C10orf67: variants seen among roughly 807,000 people sequenced by gnomAD.
C10orf67 encodes the protein uncharacterized protein C10orf67, mitochondrial.
A neutral mutation model predicts 35.6 loss-of-function variants in C10orf67; 60 were observed. The observed-to-expected ratio is 1.68, with a 90% CI of 1.37 to 2.09. The LOEUF is 2.09. C10orf67 is among the 30% of genes most tolerant of loss of function. The pLI, the probability that C10orf67 is intolerant of heterozygous loss-of-function variation, is 0.00. For synonymous variants in C10orf67, 167 were observed against 115.8 expected, an observed-to-expected ratio of 1.44 and a Z score of -2.84; for missense variants, 474 against 330.2, an observed-to-expected ratio of 1.44 and a Z score of -3.38.
chr10:23,249,095 A>G (rs1842383046), intron 12 of C10orf67, among the ~76,000 whole-genome samples: 2 of 136,048 alleles, frequency 1.5e-5, no homozygotes, highest in South Asian at 4.8e-4. Flanking sequence ...GCACCACTGC[A>G]CTCCAGCCTG....
chr10:23,300,555 A>T (rs1704425068), intron 5 of C10orf67, among the ~76,000 whole-genome samples: 1 of 152,208 alleles, frequency 6.6e-6, no homozygotes, highest in Admixed American at 6.5e-5. Context: ...CTTTAAGATC[A>T]GTTGGACTTC....
intron 12 of C10orf67, among the ~76,000 whole-genome samples, chr10:23,248,649 T>A (rs776204114): frequency 1.3e-5 from 2 of 152,206 alleles, no homozygotes; most frequent in Non-Finnish European, 2.9e-5. Flanking sequence ...CATGTAAGTC[T>A]GTGACTACAC....
At chr10:23,254,456 C>T (rs904464222) in intron 10 of C10orf67, among the ~76,000 whole-genome samples, 1 of 152,124 alleles carries the variant, frequency 6.6e-6, no homozygotes, top group Non-Finnish European at 1.5e-5. Flanking sequence ...GTGATCCACC[C>T]ACCTTGGCCT....
chr10:23,292,479 A>C (rs1325258348), intron 5 of C10orf67, among the ~76,000 whole-genome samples: 1 of 152,160 alleles, frequency 6.6e-6, no homozygotes, highest in Non-Finnish European at 1.5e-5. Context: ...TATTCTTTTT[A>C]CAGTAATTCC....
intron 10 of C10orf67, among the ~76,000 whole-genome samples, chr10:23,260,328 G>GT (rs1256843551): frequency 6.6e-5 from 10 of 151,878 alleles, no homozygotes; most frequent in Non-Finnish European, 1.3e-4. Context: ...AAAAAAAAGG[G>GT]TTTTTTCCAG....
At chr10:23,326,105 G>C (rs1005361762) in intron 2 of C10orf67, among the ~76,000 whole-genome samples, 3 of 152,036 alleles carry the variant, frequency 2.0e-5, no homozygotes, top group Non-Finnish European at 4.4e-5. Flanking sequence ...AGAAAAAGTG[G>C]GGTGGAACAA....
chr10:23,308,660 T>C (rs1564502436), intron 4 of C10orf67, among the ~76,000 whole-genome samples: 1 of 152,176 alleles, frequency 6.6e-6, no homozygotes, highest in Non-Finnish European at 1.5e-5. Flanking sequence ...TAGAGTGGGA[T>C]AGCCTGAGTC....
chr10:23,206,068 C>T (rs1343962136), intron 15 of C10orf67, among the ~76,000 whole-genome samples: 1 of 152,172 alleles, frequency 6.6e-6, no homozygotes, highest in Non-Finnish European at 1.5e-5. Flanking sequence ...GCAGATACTC[C>T]CATTTGGGAG....
chr10:23,244,744 G>A (rs1484488702), intron 12 of C10orf67, among the ~76,000 whole-genome samples: 2 of 152,078 alleles, frequency 1.3e-5, no homozygotes, highest in Non-Finnish European at 2.9e-5. Flanking sequence ...TGAATTAAAA[G>A]AAATAATATT....
intron 15 of C10orf67, among the ~76,000 whole-genome samples, chr10:23,217,662 C>T (rs974039816): frequency 1.3e-5 from 2 of 152,142 alleles, no homozygotes; most frequent in African/African-American, 4.8e-5. Context: ...GGACTAACAA[C>T]ACACACCAGA....
At chr10:23,227,373 G>A (rs11527746) in intron 13 of C10orf67, among the ~76,000 whole-genome samples, 5,657 of 152,136 alleles carry the variant, frequency 0.037, 315 homozygotes, top group African/African-American at 0.13. Context: ...AAAGGCCTTT[G>A]ACAAAATTCA....
At chr10:23,322,809 C>A (rs1845011742) in intron 2 of C10orf67, among the ~76,000 whole-genome samples, 1 of 152,028 alleles carries the variant, frequency 6.6e-6, no homozygotes, top group Non-Finnish European at 1.5e-5. Context: ...AACAAACCTG[C>A]ATATGTACCC....
At chr10:23,297,056 C>T (rs1256269634) in intron 5 of C10orf67, among the ~76,000 whole-genome samples, 1 of 152,208 alleles carries the variant, frequency 6.6e-6, no homozygotes, top group Non-Finnish European at 1.5e-5. Flanking sequence ...TGAGGGAAGG[C>T]AACTATGTCC....
intron 10 of C10orf67, among the ~76,000 whole-genome samples, chr10:23,264,738 C>G (rs1457612044): frequency 6.6e-6 from 1 of 152,192 alleles, no homozygotes; most frequent in African/African-American, 2.4e-5. Context: ...TCTGCTACAG[C>G]TGCCCCCTGC....
In C10orf67 at chr10:23,289,933, C is replaced by A; in HGVS notation, c.876G>T (p.Glu292Asp). The change falls in exon 7 of 16, where the codon GAG (glutamate) becomes GAT (aspartate). Residue 292 changes from glutamate (E) to aspartate (D), a missense_variant. By Grantham distance (45) the Glu-to-Asp change is conservative. Transcript: ENST00000636213. Reference protein sequence around the residue: ...GLEDELISMKEMAEKDHKTIQ... With the variant: ...GLEDELISMKDMAEKDHKTIQ... ...TAGTTTTGTGATCCTTTTCTGCCAT[C>A]TCTTTCATACTTATAAGTTCATCTT... 1.4e-6 allele frequency: 1 copy of A among 717,116 alleles called. No individual in the cohort carries two copies. The highest frequency in any genetic ancestry group is 2.0e-5 in the Admixed American group (1 of 49,978). 44.4% of individuals were successfully genotyped at this position (717,116 alleles called of 1,614,324 possible). A position where few individuals can be genotyped will look rare whatever the true frequency, so the allele number is the denominator to read the frequency against.
In C10orf67 at chr10:23,239,610, C is replaced by G. The variant is rs575177816; in HGVS notation, c.1434+119G>C. On this transcript the variant is annotated intron_variant, in intron 13 of 15. Coordinates refer to ENST00000636213, the MANE Select transcript of C10orf67 (RefSeq NM_001371909.1). Reference sequence around the variant, plus strand: ...ACCCTCAGCATCTAGCAGTGACTGCCTTGTACTATCTCTAGAGCCTGTAAT... The same window carrying G: ...ACCCTCAGCATCTAGCAGTGACTGCGTTGTACTATCTCTAGAGCCTGTAAT... 8.0e-6 allele frequency: 4 copies of G among 501,282 alleles called. No homozygotes were observed. In the Admixed American group the frequency reaches 8.3e-5, roughly 10 times the overall value. The allele number at this position is 501,282 out of a possible 1,614,324, so 31.1% of individuals were successfully genotyped here.
chr10:23,240,081 T>C (rs192687787), intron 12 of C10orf67, among the ~76,000 whole-genome samples: 178 of 152,070 alleles, frequency 1.2e-3, no homozygotes, highest in Admixed American at 2.3e-3. Flanking sequence ...GTCCCAGCAA[T>C]TCAGAAGGCT....
intron 8 of C10orf67, among the ~76,000 whole-genome samples, chr10:23,278,970 G>A (rs1163695249): frequency 6.6e-6 from 1 of 152,142 alleles, no homozygotes; most frequent in African/African-American, 2.4e-5. Flanking sequence ...GTGGATTGTG[G>A]GTCGGTCGCA....
At chr10:23,224,466 A>C (rs1841677535) in intron 13 of C10orf67, among the ~76,000 whole-genome samples, 1 of 152,220 alleles carries the variant, frequency 6.6e-6, no homozygotes, top group Non-Finnish European at 1.5e-5. Context: ...TAAAAATCAG[A>C]GCTCCTCTCC....
Sources: gnomAD v4.1 joint callset for allele counts (sites outside exome capture counted in the v4.1 genomes callset) on GRCh38, gnomAD v4.1.1 for gene constraint, MANE v1.5 for transcripts, NCBI Gene and HGNC (gene_info 2026-07-23, HGNC 2026-07-21) for gene names.